The following FBXO36 variants were observed in gnomAD, a reference collection of about 807,000 sequenced individuals.
FBXO36 encodes the protein F-box protein 36.
A neutral mutation model predicts 17.0 loss-of-function variants in FBXO36; 18 were observed. That is an observed-to-expected ratio of 1.06 (90% CI 0.73 to 1.57). FBXO36 has a LOEUF of 1.57. Among genes scored for constraint, FBXO36 ranks in the 40% most tolerant of loss-of-function variants. FBXO36 has a pLI of 0.00. For synonymous variants in FBXO36, 83 were observed against 85.3 expected (o/e 0.97, Z 0.15); for missense variants, 229 against 221.9 (o/e 1.03, Z -0.20).
chr2:229,963,879 A>G (rs2077137693), intron 1 of FBXO36, among the ~76,000 whole-genome samples: 2 of 152,168 alleles, frequency 1.3e-5, no homozygotes, highest in Non-Finnish European at 2.9e-5. Flanking sequence ...ATTTTGTACC[A>G]CAGTGGTGAG....
chr2:229,935,716 G>C (rs1054243454), intron 1 of FBXO36, among the ~76,000 whole-genome samples: 1 of 152,032 alleles, frequency 6.6e-6, no homozygotes, highest in African/African-American at 2.4e-5. Flanking sequence ...GGAATTGAAG[G>C]GTATCCTAAA....
intron 1 of FBXO36, among the ~76,000 whole-genome samples, chr2:229,929,126 G>T (rs2076926429): frequency 6.6e-6 from 1 of 151,208 alleles, no homozygotes; most frequent in Non-Finnish European, 1.5e-5. Context: ...TAGAGATGGG[G>T]TTTCACCATG....
intron 2 of FBXO36, among the ~76,000 whole-genome samples, chr2:229,991,148 C>T (rs780414590): frequency 1.6e-4 from 25 of 152,252 alleles, no homozygotes; most frequent in Middle Eastern, 3.4e-3. Context: ...CTTGGCCAGG[C>T]TGGTCTAGAA....
chr2:229,997,405 C>A (rs1005411701), intron 3 of FBXO36, among the ~76,000 whole-genome samples: 9 of 151,642 alleles, frequency 5.9e-5, no homozygotes, highest in African/African-American at 2.2e-4. Context: ...TGGGGAAACC[C>A]CATCTCTACT....
At chr2:229,930,948 TATA>T (rs1427935333) in intron 1 of FBXO36, among the ~76,000 whole-genome samples, 2 of 152,160 alleles carry the variant, frequency 1.3e-5, no homozygotes, top group African/African-American at 4.8e-5. Flanking sequence ...GCCAGGTGTT[TATA>T]ATAATAAACT....
chr2:229,943,658 T>C lies in FBXO36; in HGVS notation c.96+21049T>C, dbSNP rs2077011774. ...AGCCCTGGCCCGTGGGCAACCTTGC[T>C]GGAAGTGCTGTGACCATGTGTGTGT... On this transcript the variant is annotated intron_variant, in intron 1 of 3. Coordinates refer to ENST00000283946, the MANE Select transcript of FBXO36 (RefSeq NM_174899.5). 1.3e-5 allele frequency among the ~76,000 whole-genome samples: 2 copies of C among 152,184 alleles called. 1 individual carries two copies. Among genetic ancestry groups the C allele is most frequent in the South Asian group, 4.1e-4 (2 of 4,826 alleles).
At chr2:229,936,353 A>G (rs2106157695) in intron 1 of FBXO36, among the ~76,000 whole-genome samples, 1 of 152,292 alleles carries the variant, frequency 6.6e-6, no homozygotes. Context: ...TGGCTAATGA[A>G]TCCCTATTAC....
intron 2 of FBXO36, among the ~76,000 whole-genome samples, chr2:229,978,866 C>G (rs1445274076): frequency 6.6e-6 from 1 of 151,922 alleles, no homozygotes; most frequent in Admixed American, 6.6e-5. Context: ...CTTTGATAAT[C>G]AACACTCTTT....
intron 3 of FBXO36, among the ~76,000 whole-genome samples, chr2:229,997,628 A>G (rs1002336764): frequency 4.0e-5 from 6 of 151,612 alleles, no homozygotes; most frequent in African/African-American, 1.5e-4. Context: ...ACAACCTGAC[A>G]TCCGCGTTTC....
intron 1 of FBXO36, among the ~76,000 whole-genome samples, chr2:229,931,896 T>G (rs537016240): frequency 2.3e-4 from 35 of 151,184 alleles, no homozygotes; most frequent in African/African-American, 7.0e-4. Context: ...TTTCTTTTGG[T>G]TTTTTGCTTG....
intron 1 of FBXO36, among the ~76,000 whole-genome samples, chr2:229,939,965 C>G (rs1432952611): frequency 6.6e-6 from 1 of 152,064 alleles, no homozygotes; most frequent in Non-Finnish European, 1.5e-5. Flanking sequence ...GGCCCGTAGT[C>G]CCAGCTACTT....
At chr2:229,974,858 T>C (rs764884105) in intron 1 of FBXO36, among the ~76,000 whole-genome samples, 1 of 152,196 alleles carries the variant, frequency 6.6e-6, no homozygotes, top group Non-Finnish European at 1.5e-5. Flanking sequence ...CTGTTGTTAA[T>C]TGAATTATGT....
At chr2:229,943,245 C>G (rs1453921508) in intron 1 of FBXO36, 1 of 152,282 alleles carries the variant, frequency 6.6e-6, no homozygotes, top group Non-Finnish European at 1.5e-5. Context: ...CCACAGCCAG[C>G]TAGGCATTAC....
At chr2:229,963,444 CTTTT>C (rs757351541) in intron 1 of FBXO36, among the ~76,000 whole-genome samples, 1 of 129,232 alleles carries the variant, frequency 7.7e-6, no homozygotes, top group Non-Finnish European at 1.6e-5. Context: ...TTTCTTTTTT[CTTTT>C]TTTTTTTTTT....
intron 1 of FBXO36, among the ~76,000 whole-genome samples, chr2:229,931,548 A>G (rs549021454): frequency 6.6e-6 from 1 of 152,276 alleles, no homozygotes; most frequent in South Asian, 2.1e-4. Flanking sequence ...CAACTCTAAA[A>G]TGATGTTTCA....
intron 1 of FBXO36, among the ~76,000 whole-genome samples, chr2:229,969,425 A>G (rs1460044401): frequency 6.6e-6 from 1 of 151,766 alleles, no homozygotes; most frequent in African/African-American, 2.4e-5. Context: ...ACGGTGGCTC[A>G]CGCCTGTAAT....
intron 3 of FBXO36, among the ~76,000 whole-genome samples, chr2:230,003,265 C>T (rs1421862255): frequency 7.0e-6 from 1 of 142,182 alleles, no homozygotes; most frequent in Admixed American, 7.1e-5. Context: ...GGCAATAATA[C>T]ATGATCACTT....
At chr2:229,939,964 T>C (rs2106161372) in intron 1 of FBXO36, among the ~76,000 whole-genome samples, 1 of 152,098 alleles carries the variant, frequency 6.6e-6, no homozygotes, top group East Asian at 1.9e-4. Flanking sequence ...AGGCCCGTAG[T>C]CCCAGCTACT....
At chr2:229,957,502 G>A (rs1295351795) in intron 1 of FBXO36, among the ~76,000 whole-genome samples, 1 of 152,072 alleles carries the variant, frequency 6.6e-6, no homozygotes, top group African/African-American at 2.4e-5. Context: ...GCTTGAACCC[G>A]GGATGCGGAG....
Sources: gnomAD v4.1 joint callset for allele counts (sites outside exome capture counted in the v4.1 genomes callset) on GRCh38, gnomAD v4.1.1 for gene constraint, MANE v1.5 for transcripts, NCBI Gene and HGNC (gene_info 2026-07-23, HGNC 2026-07-21) for gene names.